Variants in TRAPPC13 observed in about 807,000 individuals in gnomAD.
TRAPPC13 encodes trafficking protein particle complex subunit 13.
Under a neutral mutation model 54.0 loss-of-function variants are expected in TRAPPC13, and 39 were observed. That is an observed-to-expected ratio of 0.72 (90% CI 0.56 to 0.94). The LOEUF is 0.94. TRAPPC13 is among the 40% of genes least tolerant of loss of function. The pLI is 0.00. For missense variants in TRAPPC13, 386 were observed against 488.1 expected (o/e 0.79, Z 1.97); for synonymous variants, 148 against 167.7 (o/e 0.88, Z 0.91).
intron 4 of TRAPPC13, among the ~76,000 whole-genome samples, chr5:65,640,720 A>C (rs957254039): frequency 2.0e-5 from 3 of 152,202 alleles, no homozygotes; most frequent in Admixed American, 2.0e-4. Context: ...TATTTTTATA[A>C]GAGATTAATA....
intron 4 of TRAPPC13, among the ~76,000 whole-genome samples, chr5:65,644,802 A>C (rs1756118218): frequency 6.6e-6 from 1 of 151,612 alleles, no homozygotes; most frequent in South Asian, 2.1e-4. Context: ...AATCACTTGA[A>C]TCTGGGAGGT....
At chr5:65,659,689 T>A (rs188310611) in intron 9 of TRAPPC13, among the ~76,000 whole-genome samples, 2 of 152,224 alleles carry the variant, frequency 1.3e-5, no homozygotes, top group East Asian at 3.9e-4. Context: ...ATAATACAGA[T>A]AAGAAAGTAA....
intron 1 of TRAPPC13, among the ~76,000 whole-genome samples, chr5:65,628,760 C>T (rs1453928124): frequency 2.0e-5 from 3 of 151,948 alleles, no homozygotes; most frequent in African/African-American, 4.8e-5. Context: ...CATGAGCCAC[C>T]GCACCTGGCA....
rs1032824438 is a variant in TRAPPC13 at position 65,665,932 on chromosome 5, T to C, written c.*1321T>C. ...GCATTAAATCAAATACAAAAATTGG[T>C]TTTTCAATGCATCATTATTTATTGC... On this transcript the variant is annotated 3_prime_UTR_variant, in exon 13 of 13. Transcript: ENST00000399438. 2.0e-5 allele frequency: 3 copies of C among 152,588 alleles called. No homozygotes were observed. Among genetic ancestry groups the C allele is most frequent in the Non-Finnish European group, 4.4e-5 (3 of 67,992 alleles). 9.5% of individuals were successfully genotyped at this position (152,588 alleles called of 1,614,324 possible). A position where few individuals can be genotyped will look rare whatever the true frequency, so the allele number is the denominator to read the frequency against.
At chr5:65,640,170 T>C (rs1335566891) in intron 4 of TRAPPC13, among the ~76,000 whole-genome samples, 2 of 152,214 alleles carry the variant, frequency 1.3e-5, no homozygotes, top group Non-Finnish European at 2.9e-5. Context: ...TTATAAGGCT[T>C]TTGAACTAAG....
At chr5:65,663,912 A>G in intron 11 of TRAPPC13, 1 of 229,112 alleles carries the variant, frequency 4.4e-6, no homozygotes, top group Non-Finnish European at 8.4e-6. Context: ...CAACAAGATT[A>G]GACACAAATG....
rs747230097 is a variant in TRAPPC13, at chr5:65,665,714, C to G, written c.*1103C>G. 4 of 152,216 alleles carry G rather than the reference C, an allele frequency of 2.6e-5. No individual in the cohort carries two copies. Among genetic ancestry groups the G allele is most frequent in the Non-Finnish European group, 2.9e-5 (2 of 67,992 alleles). 9.4% of individuals were successfully genotyped at this position (152,216 alleles called of 1,614,324 possible). A position where few individuals can be genotyped will look rare whatever the true frequency, so the allele number is the denominator to read the frequency against. ...GTGTTACTGTTACAAAACTTTCTCT[C>G]TCCATGTAATCACACTTAGTTATGA... is the stretch of plus-strand genomic sequence containing the variant. On this transcript the variant is annotated 3_prime_UTR_variant, in exon 13 of 13. Coordinates refer to ENST00000399438, the MANE Select transcript of TRAPPC13 (RefSeq NM_024941.4).
intron 7 of TRAPPC13, among the ~76,000 whole-genome samples, chr5:65,653,291 T>C (rs1204590229): frequency 5.3e-5 from 8 of 152,124 alleles, no homozygotes; most frequent in Non-Finnish European, 1.0e-4. Flanking sequence ...CAGTGATAAA[T>C]TCAAAGATAT....
chr5:65,631,503 G>GT (rs1440537507), intron 1 of TRAPPC13, among the ~76,000 whole-genome samples: 1 of 152,142 alleles, frequency 6.6e-6, no homozygotes, highest in Non-Finnish European at 1.5e-5. Context: ...CCAATAGGTA[G>GT]TTTTTTAGTC....
At chr5:65,663,995 A>G in intron 11 of TRAPPC13, 1 of 440,322 alleles carries the variant, frequency 2.3e-6, no homozygotes, top group Non-Finnish European at 4.0e-6. Context: ...TAGAACCAGA[A>G]GGCCAACATC....
chr5:65,654,844 C>A (rs1581229803), intron 7 of TRAPPC13, among the ~76,000 whole-genome samples: 1 of 152,176 alleles, frequency 6.6e-6, no homozygotes, highest in East Asian at 1.9e-4. Context: ...GGTCACCTGC[C>A]AGGTACCGAA....
rs749555918 is a variant in TRAPPC13, at chr5:65,660,903, TCTGGAAAAAACTTCG to T, written c.897+11_897+25del. On this transcript the variant is annotated splice_region_variant and intron_variant, in intron 10 of 12. Transcript: ENST00000399438. ...CCAGCCAACTTCAAAGAATGGTGAG[TCTGGAAAAAACTTCG>T]CTGGGGTTTTGGTGTGTGAAAGACA... 3 of 1,597,298 alleles carry T rather than the reference TCTGGAAAAAACTTCG, an allele frequency of 1.9e-6. No homozygotes were observed. Among genetic ancestry groups the T allele is most frequent in the Non-Finnish European group, 2.6e-6 (3 of 1,172,612 alleles).
intron 10 of TRAPPC13, 39 bp from the exon 11 acceptor site, chr5:65,662,011 G>A: frequency 6.8e-7 from 1 of 1,473,098 alleles, no homozygotes; most frequent in Non-Finnish European, 9.2e-7. Flanking sequence ...GAAAGGTTTT[G>A]TGATAGATAT....
chr5:65,650,074 G>A (rs1202978969), intron 5 of TRAPPC13, among the ~76,000 whole-genome samples: 2 of 150,588 alleles, frequency 1.3e-5, no homozygotes, highest in Non-Finnish European at 2.9e-5. Context: ...TAGCCAGGAT[G>A]GTCTCGATCT....
chr5:65,651,040 T>TA (rs1756410820), intron 6 of TRAPPC13, among the ~76,000 whole-genome samples, 158 bp downstream of exon 6: 1 of 152,202 alleles, frequency 6.6e-6, no homozygotes, highest in South Asian at 2.1e-4. Context: ...AAACTCAGAC[T>TA]AAATTAAGGT....
At chr5:65,655,751 CAGTT>C (rs1290506981) in intron 8 of TRAPPC13, 98 bp downstream of exon 8, 4 of 401,742 alleles carry the variant, frequency 1.0e-5, no homozygotes, top group African/African-American at 2.1e-5. Context: ...AGTGGAAAAA[CAGTT>C]AGTTGTGAAT....
At chr5:65,641,722 A>C (rs548107703) in intron 4 of TRAPPC13, among the ~76,000 whole-genome samples, 96 of 151,642 alleles carry the variant, frequency 6.3e-4, no homozygotes, top group African/African-American at 2.2e-3. Context: ...GAAAAAAAAA[A>C]AAACAAAAAA....
At position 65,666,205 on chromosome 5, in the gene TRAPPC13, C is replaced by G. The variant is rs1356279559; in HGVS notation, c.*1594C>G. ...TCTTCTGTTTCATTCTGTTTTAAAT[C>G]TAAAAAGTAAAATGATGGTCACTTG... On this transcript the variant is annotated 3_prime_UTR_variant, in exon 13 of 13. Coordinates refer to ENST00000399438, the MANE Select transcript of TRAPPC13 (RefSeq NM_024941.4). 2.0e-5 allele frequency: 3 copies of G among 152,260 alleles called. No individual in the cohort carries two copies. Among genetic ancestry groups the G allele is most frequent in the Non-Finnish European group, 4.4e-5 (3 of 67,972 alleles). The allele number at this position is 152,260 out of a possible 1,614,324, so 9.4% of individuals were successfully genotyped here.
chr5:65,659,327 A>AT (rs1427859612), intron 9 of TRAPPC13, among the ~76,000 whole-genome samples: 1 of 151,454 alleles, frequency 6.6e-6, no homozygotes, highest in African/African-American at 2.4e-5. Flanking sequence ...CTTTCCAAAA[A>AT]CTCTCCTGTG....
Sources: gnomAD v4.1 joint callset for allele counts (sites outside exome capture counted in the v4.1 genomes callset) on GRCh38, gnomAD v4.1.1 for gene constraint, MANE v1.5 for transcripts, NCBI Gene and HGNC (gene_info 2026-07-23, HGNC 2026-07-21) for gene names.